The following BLTP1 variants were observed in gnomAD, a reference collection of about 807,000 sequenced individuals.
BLTP1 encodes the protein fragile site-associated protein.
chr4:122,317,273 A>G, the BLTP1 span, among the ~76,000 whole-genome samples: 2 of 151,926 alleles, frequency 1.3e-5, no homozygotes, highest in East Asian at 3.9e-4. Flanking sequence ...AGGAGGTTGC[A>G]GTGAGCCAAG....
At chr4:122,152,976 G>GC in the BLTP1 span, 1 of 985,328 alleles carries the variant, frequency 1.0e-6, no homozygotes, top group South Asian at 4.7e-5. Context: ...AGGGTCGGTT[G>GC]ACCGAGGGCG....
At chr4:122,325,332 A>T in the BLTP1 span, 5 of 1,596,190 alleles carry the variant, frequency 3.1e-6, no homozygotes, top group Non-Finnish European at 4.3e-6. Context: ...TAAGAGATAT[A>T]TAATTTGTTA....
the BLTP1 span, chr4:122,339,345 T>A: frequency 1.9e-6 from 3 of 1,613,398 alleles, no homozygotes; most frequent in Middle Eastern, 1.7e-4. Context: ...AGAGACTTTA[T>A]CCCCTGGAGG....
the BLTP1 span, chr4:122,261,875 G>A: frequency 9.1e-6 from 9 of 985,338 alleles, no homozygotes; most frequent in Non-Finnish European, 1.1e-5. Context: ...CCTCATCTAA[G>A]TGAGGATGAC....
At chr4:122,325,175 C>G in the BLTP1 span, 1 of 1,501,294 alleles carries the variant, frequency 6.7e-7, no homozygotes, top group South Asian at 1.3e-5. Flanking sequence ...TTATAAAGTC[C>G]AGGAATTTTT....
chr4:122,208,756 C>T, the BLTP1 span: 87 of 724,570 alleles, frequency 1.2e-4, no homozygotes, highest in Non-Finnish European at 1.4e-4. Flanking sequence ...GCAAAATCTG[C>T]CATTTCAAAT....
At chr4:122,346,020 C>G in the BLTP1 span, 4 of 984,926 alleles carry the variant, frequency 4.1e-6, no homozygotes, top group Non-Finnish European at 4.8e-6. Context: ...TGGTAGACAA[C>G]TGACTTAGCG....
chr4:122,284,446 T>A, the BLTP1 span, among the ~76,000 whole-genome samples: 1 of 152,176 alleles, frequency 6.6e-6, no homozygotes, highest in South Asian at 2.1e-4. Context: ...CTATGAAGAA[T>A]TATTGGTAAA....
chr4:122,240,536 A>G, the BLTP1 span, among the ~76,000 whole-genome samples: 1 of 152,176 alleles, frequency 6.6e-6, no homozygotes, highest in Non-Finnish European at 1.5e-5. Context: ...ATTTAAGTAA[A>G]TTAAATTGAG....
At chr4:122,323,005 G>A in the BLTP1 span, among the ~76,000 whole-genome samples, 5 of 152,082 alleles carry the variant, frequency 3.3e-5, no homozygotes, top group Non-Finnish European at 5.9e-5. Flanking sequence ...GAACCTGGTG[G>A]AACTACTGAA....
At chr4:122,205,616 AC>A in the BLTP1 span, among the ~76,000 whole-genome samples, 1 of 128,254 alleles carries the variant, frequency 7.8e-6, no homozygotes, top group South Asian at 2.6e-4. Context: ...CTATAATAAT[AC>A]TGTTTCCAAT....
chr4:122,227,378 G>A, the BLTP1 span: 1 of 985,072 alleles, frequency 1.0e-6, no homozygotes, highest in Non-Finnish European at 1.2e-6. Context: ...CTAAAACCAT[G>A]TGCAGTGGCA....
chr4:122,307,111 G>T, the BLTP1 span, among the ~76,000 whole-genome samples: 1 of 152,028 alleles, frequency 6.6e-6, no homozygotes, highest in Non-Finnish European at 1.5e-5. Flanking sequence ...GATTTTTTCA[G>T]ATTTTGGTAT....
At chr4:122,175,925 AT>A in the BLTP1 span, 2 of 1,204,940 alleles carry the variant, frequency 1.7e-6, no homozygotes, top group Non-Finnish European at 1.2e-6. Flanking sequence ...GTGAGTTTTC[AT>A]TTTTTATGTG....
chr4:122,346,472 C>A, the BLTP1 span: 1 of 1,362,106 alleles, frequency 7.3e-7, no homozygotes, highest in Non-Finnish European at 9.5e-7. Context: ...TTAGAATGTG[C>A]TGTTTTTGTA....
chr4:122,190,479 C>A, the BLTP1 span: 1 of 906,124 alleles, frequency 1.1e-6, no homozygotes, highest in South Asian at 5.1e-5. Flanking sequence ...TTTAAATCTT[C>A]TTGCTTAGCC....
the BLTP1 span, chr4:122,220,938 A>G: frequency 4.3e-6 from 1 of 233,906 alleles, no homozygotes; most frequent in African/African-American, 2.3e-5. Context: ...GGCTCTTTTA[A>G]AAGAGAACCA....
the BLTP1 span, among the ~76,000 whole-genome samples, chr4:122,208,862 C>T: frequency 4.6e-5 from 7 of 151,000 alleles, no homozygotes; most frequent in African/African-American, 1.7e-4. Flanking sequence ...GGCAACACAG[C>T]AAGACCCTGT....
At chr4:122,152,994 C>T in the BLTP1 span, 1 of 985,378 alleles carries the variant, frequency 1.0e-6, no homozygotes, top group South Asian at 4.7e-5. Context: ...GCGGGGAAGC[C>T]TTGGAACAAC....
Sources: gnomAD v4.1 joint callset for allele counts (sites outside exome capture counted in the v4.1 genomes callset) on GRCh38, gnomAD v4.1.1 for gene constraint, MANE v1.5 for transcripts, NCBI Gene and HGNC (gene_info 2026-07-23, HGNC 2026-07-21) for gene names.